DCT: variants seen among roughly 807,000 people sequenced by gnomAD.
The protein encoded by DCT is dopachrome tautomerase.
A neutral mutation model predicts 53.0 loss-of-function variants in DCT; 47 were observed. The observed-to-expected ratio is 0.89, with a 90% CI of 0.70 to 1.13. DCT has a LOEUF of 1.13. Ranked by LOEUF, DCT falls within the 50% of genes most tolerant of loss-of-function variation. The probability of loss-of-function intolerance (pLI) is 0.00; values close to 1 mark genes in which losing one functional copy is unlikely to be tolerated. For missense variants in DCT, 669 were observed against 637.4 expected (o/e 1.05, Z -0.53); for synonymous variants, 244 against 237.0 (o/e 1.03, Z -0.27).
chr13:94,464,010 T>C (rs1883990647), intron 4 of DCT, among the ~76,000 whole-genome samples: 1 of 152,166 alleles, frequency 6.6e-6, no homozygotes, highest in Admixed American at 6.5e-5. Context: ...AACTCAGCCT[T>C]CTCTAAATTT....
In DCT at chr13:94,439,989, A is replaced by G; in HGVS notation, c.1469T>C (p.Leu490Ser). ...AAGTCTTCTATATTGAAGAAAAGCCAACAGCACAAAAAGACCAACCAAAGC... is the reference window on the plus strand; with the variant it reads ...AAGTCTTCTATATTGAAGAAAAGCCGACAGCACAAAAAGACCAACCAAAGC... ...LVALVGLFVL[L>S]AFLQYRRLRK... is the part of the protein sequence containing the mutation. The change falls in exon 8 of 8, where the codon TTG (leucine) becomes TCG (serine). Residue 490 changes from leucine (L) to serine (S), a missense_variant. Coordinates refer to ENST00000377028, the MANE Select transcript of DCT (RefSeq NM_001922.5). The G allele has an allele frequency of 2.5e-6, 4 of 1,614,046 alleles. No homozygotes were observed. The highest frequency in any genetic ancestry group is 3.4e-6 in the Non-Finnish European group (4 of 1,179,918).
the DCT span, among the ~76,000 whole-genome samples, chr13:94,540,815 G>T: frequency 6.6e-6 from 1 of 152,130 alleles, no homozygotes; most frequent in Admixed American, 6.5e-5. Context: ...CCAAAAGAAC[G>T]GAAATCAGTA....
chr13:94,460,326 G>C, intron 5 of DCT, 100 bp from the exon 6 acceptor site: 1 of 1,134,586 alleles, frequency 8.8e-7, no homozygotes, highest in Non-Finnish European at 1.3e-6. Context: ...TTTGAGATTG[G>C]GTAGGGATAT....
At position 94,437,707 on chromosome 13, in the gene DCT, T is replaced by G. The variant is rs1881987410; in HGVS notation, c.*2191A>C. 1 of 152,222 alleles carries G rather than the reference T, an allele frequency of 6.6e-6. No homozygotes were observed. Among genetic ancestry groups the G allele is most frequent in the African/African-American group, 2.4e-5 (1 of 41,470 alleles). 9.4% of individuals were successfully genotyped at this position (152,222 alleles called of 1,614,324 possible). A position where few individuals can be genotyped will look rare whatever the true frequency, so the allele number is the denominator to read the frequency against. ...AATGTAAGTAAATACCAACTTTTTA[T>G]TCTGTTGGTTTATCCTACCTTAATA... On this transcript the variant is annotated 3_prime_UTR_variant, in exon 8 of 8. Transcript: ENST00000377028.
At chr13:94,549,042 C>T in the DCT span, among the ~76,000 whole-genome samples, 15 of 152,172 alleles carry the variant, frequency 9.9e-5, no homozygotes, top group African/African-American at 3.6e-4. Context: ...TCTGATGCGT[C>T]GGGGAGCTGT....
the DCT span, among the ~76,000 whole-genome samples, chr13:94,512,937 G>A: frequency 2.8e-3 from 419 of 152,346 alleles, no homozygotes; most frequent in Middle Eastern, 6.8e-3. Context: ...AGAGGAAGCT[G>A]TGGGAGGCTG....
At chr13:94,478,909 G>C in intron 1 of DCT, 52 bp downstream of exon 1, 1 of 1,509,544 alleles carries the variant, frequency 6.6e-7, no homozygotes, top group Non-Finnish European at 9.0e-7. Context: ...CTTAGAAGGA[G>C]CTCTTTCCCC....
At chr13:94,529,765 G>T in the DCT span, among the ~76,000 whole-genome samples, 10 of 152,152 alleles carry the variant, frequency 6.6e-5, no homozygotes, top group African/African-American at 2.2e-4. Context: ...TCAAAAGCTA[G>T]CAGAAGGCAA....
At chr13:94,532,436 C>A in the DCT span, among the ~76,000 whole-genome samples, 33 of 152,288 alleles carry the variant, frequency 2.2e-4, no homozygotes, top group Non-Finnish European at 4.1e-4. Flanking sequence ...CATGTATACA[C>A]CATGGAATAC....
At chr13:94,544,944 AAAC>A in the DCT span, among the ~76,000 whole-genome samples, 2 of 152,132 alleles carry the variant, frequency 1.3e-5, no homozygotes, top group African/African-American at 2.4e-5. Context: ...GGTCTCAAAA[AAAC>A]AACAACAAAA....
chr13:94,482,536 A>G (rs76467315), upstream of DCT, among the ~76,000 whole-genome samples: 4 of 152,260 alleles, frequency 2.6e-5, no homozygotes, highest in East Asian at 7.7e-4. Flanking sequence ...ATCACCATCT[A>G]AAGTTATCTG....
At chr13:94,507,558 T>G in the DCT span, among the ~76,000 whole-genome samples, 1 of 151,278 alleles carries the variant, frequency 6.6e-6, no homozygotes, top group East Asian at 2.0e-4. Flanking sequence ...TGGAATGCAG[T>G]GGCATGGTCT....
At chr13:94,503,048 T>TA in the DCT span, among the ~76,000 whole-genome samples, 3 of 152,204 alleles carry the variant, frequency 2.0e-5, no homozygotes, top group African/African-American at 7.2e-5. Flanking sequence ...CCCTGGGACC[T>TA]GTGAATGTCA....
the DCT span, among the ~76,000 whole-genome samples, chr13:94,538,483 G>C: frequency 6.6e-6 from 1 of 152,086 alleles, no homozygotes; most frequent in Non-Finnish European, 1.5e-5. Flanking sequence ...CAATACCTTG[G>C]TATTAGCCTT....
chr13:94,464,630 C>T (rs112160892), intron 4 of DCT, among the ~76,000 whole-genome samples: 1 of 151,048 alleles, frequency 6.6e-6, no homozygotes, highest in Admixed American at 6.6e-5. Context: ...CAGAGTGAGA[C>T]TCCATCTCAA....
At chr13:94,521,723 C>A in the DCT span, among the ~76,000 whole-genome samples, 2 of 151,982 alleles carry the variant, frequency 1.3e-5, no homozygotes, top group African/African-American at 4.8e-5. Flanking sequence ...ATTTCAATTG[C>A]TGCTTTTGTT....
At position 94,465,659 on chromosome 13, in the gene DCT, G is replaced by A; in HGVS notation, c.837C>T (p.Phe279=). 6.2e-7 allele frequency: 1 copy of A among 1,613,548 alleles called. No homozygotes were observed. The highest frequency in any genetic ancestry group is 8.5e-7 in the Non-Finnish European group (1 of 1,179,796). Reference sequence around the variant, plus strand: ...TATCACAGACAGTTTCCCAGCTGGAGAATCTTGAGTTCCGACTAATCAGAG... The same window carrying A: ...TATCACAGACAGTTTCCCAGCTGGAAAATCTTGAGTTCCGACTAATCAGAG... The part of the protein sequence containing the change: ...DPTLISRNSR[F]SSWETVCDSL... The change falls in exon 4 of 8, where the codon TTC becomes TTT. Residue 279 remains phenylalanine, a synonymous_variant. Transcript: ENST00000377028.
At chr13:94,523,273 G>A in the DCT span, among the ~76,000 whole-genome samples, 1 of 152,174 alleles carries the variant, frequency 6.6e-6, no homozygotes, top group African/African-American at 2.4e-5. Flanking sequence ...TTTGTTTCTT[G>A]TATAAGAGCA....
At chr13:94,517,840 T>A in the DCT span, among the ~76,000 whole-genome samples, 1 of 152,032 alleles carries the variant, frequency 6.6e-6, no homozygotes. Flanking sequence ...AATTTAAAAA[T>A]TTTTTAAAGA....
Sources: gnomAD v4.1 joint callset for allele counts (sites outside exome capture counted in the v4.1 genomes callset) on GRCh38, gnomAD v4.1.1 for gene constraint, MANE v1.5 for transcripts, NCBI Gene and HGNC (gene_info 2026-07-23, HGNC 2026-07-21) for gene names.